Variants in IL1RAPL1 observed in about 807,000 individuals in gnomAD.
IL1RAPL1 encodes interleukin 1 receptor accessory protein like 1.
IL1RAPL1 carries 3 observed loss-of-function variants against 48.4 expected under a neutral mutation model. That is an observed-to-expected ratio of 0.06 (90% CI 0.03 to 0.16). IL1RAPL1 has a LOEUF of 0.16. Among genes scored for constraint, IL1RAPL1 ranks in the 10% least tolerant of loss-of-function variants. The pLI, the probability that IL1RAPL1 is intolerant of heterozygous loss-of-function variation, is 1.00. For synonymous variants in IL1RAPL1, 185 were observed against 187.7 expected (o/e 0.99, Z 0.12); for missense variants, 349 against 530.6 (o/e 0.66, Z 3.36).
chrX:29,281,220 G>C (rs1343674731), intron 2 of IL1RAPL1, among the ~76,000 whole-genome samples: 1 of 111,148 alleles, frequency 9.0e-6, no homozygotes, highest in East Asian at 2.8e-4. Flanking sequence ...TGTTATTACT[G>C]TCAGAGGTCC....
At chrX:29,489,997 A>G (rs1277124610) in intron 5 of IL1RAPL1, among the ~76,000 whole-genome samples, 1 of 111,195 alleles carries the variant, frequency 9.0e-6, no homozygotes, top group Non-Finnish European at 1.9e-5. Context: ...TTAATTTTCT[A>G]CATAGGACTT....
chrX:28,941,477 A>G (rs1397677422), intron 2 of IL1RAPL1, among the ~76,000 whole-genome samples: 3 of 111,112 alleles, frequency 2.7e-5, no homozygotes, highest in Admixed American at 9.6e-5. Context: ...CTCCATCTCA[A>G]TTGACCTCCA....
In IL1RAPL1 at chrX:29,668,517, T is replaced by TTAATTCTAGTTA. The variant is rs1239080464; in HGVS notation, c.778+14_778+25dup. The TTAATTCTAGTTA allele has an allele frequency of 9.3e-7, 1 of 1,071,016 alleles. No homozygotes were observed. The highest frequency in any genetic ancestry group is 1.3e-6 in the Non-Finnish European group (1 of 768,828). 88.3% of individuals were successfully genotyped at this position (1,071,016 alleles called of 1,213,427 possible). On this transcript the variant is annotated intron_variant, in intron 6 of 10. Transcript: ENST00000378993. ...GAGACCCAGCTGGGTGAGTAATTCC[T>TTAATTCTAGTTA]TAATTCTAGTTAATATGCTGCTCTC...
At chrX:29,321,964 TTC>T (rs770053889) in intron 3 of IL1RAPL1, among the ~76,000 whole-genome samples, 31 of 111,047 alleles carry the variant, frequency 2.8e-4, no homozygotes, top group Non-Finnish European at 5.1e-4. Context: ...CTGAAGTATA[TTC>T]TCTGTTATGA....
intron 2 of IL1RAPL1, among the ~76,000 whole-genome samples, chrX:28,973,841 A>T (rs952462399): frequency 8.9e-5 from 10 of 111,879 alleles, no homozygotes; most frequent in Middle Eastern, 4.6e-3. Context: ...TTTAAAACCT[A>T]TTTTGTGTAG....
chrX:29,024,355 A>T (rs765540090), intron 2 of IL1RAPL1, among the ~76,000 whole-genome samples: 19 of 111,868 alleles, frequency 1.7e-4, no homozygotes, highest in Non-Finnish European at 3.4e-4. Flanking sequence ...GAGGACCAAC[A>T]GGTAATTCTT....
chrX:29,489,728 C>T (rs66832961), intron 5 of IL1RAPL1, among the ~76,000 whole-genome samples: 8,935 of 111,215 alleles, frequency 0.08, 558 homozygotes, highest in African/African-American at 0.21. Flanking sequence ...ATTGTGATAT[C>T]TGCCACCAAC....
intron 3 of IL1RAPL1, among the ~76,000 whole-genome samples, chrX:29,345,055 T>G (rs756806497): frequency 1.8e-5 from 2 of 113,033 alleles, no homozygotes; most frequent in African/African-American, 6.4e-5. Flanking sequence ...ACACAAAAGT[T>G]ACATTTAATC....
At chrX:29,468,892 G>T (rs1482955995) in intron 5 of IL1RAPL1, among the ~76,000 whole-genome samples, 3 of 111,611 alleles carry the variant, frequency 2.7e-5, no homozygotes, top group Non-Finnish European at 5.6e-5. Flanking sequence ...TCTCAGAAGG[G>T]TTATACAAAA....
At chrX:28,799,104 C>T (rs1936645674) in intron 2 of IL1RAPL1, among the ~76,000 whole-genome samples, 3 of 111,098 alleles carry the variant, frequency 2.7e-5, no homozygotes, top group Admixed American at 1.9e-4. Context: ...AAGTTAGACT[C>T]AATTGAAATA....
intron 5 of IL1RAPL1, among the ~76,000 whole-genome samples, chrX:29,476,769 A>AAAACAAAC (rs1330568590): frequency 9.1e-6 from 1 of 110,082 alleles, no homozygotes; most frequent in Non-Finnish European, 1.9e-5. Flanking sequence ...AATACTCGAA[A>AAAACAAAC]AAACAAACCA....
At chrX:29,801,549 T>C (rs890836069) in intron 6 of IL1RAPL1, among the ~76,000 whole-genome samples, 10 of 112,283 alleles carry the variant, frequency 8.9e-5, no homozygotes, top group African/African-American at 3.2e-4. Context: ...TGTCTCTAAG[T>C]GTGATCTTCA....
At chrX:29,036,942 C>T (rs1473824837) in intron 2 of IL1RAPL1, among the ~76,000 whole-genome samples, 2 of 111,592 alleles carry the variant, frequency 1.8e-5, no homozygotes, top group African/African-American at 6.5e-5. Flanking sequence ...TTGTATTACT[C>T]GAAACATAAT....
At chrX:29,802,787 G>GTA (rs1278232304) in intron 6 of IL1RAPL1, among the ~76,000 whole-genome samples, 103 of 25,547 alleles carry the variant, frequency 4.0e-3, no homozygotes, top group South Asian at 1.0e-2. Flanking sequence ...ATATATGTGT[G>GTA]TGTGTATATA....
At chrX:29,939,945 C>T (rs1220270893) in intron 8 of IL1RAPL1, among the ~76,000 whole-genome samples, 2 of 107,141 alleles carry the variant, frequency 1.9e-5, no homozygotes, top group Admixed American at 2.0e-4. Context: ...TCACTGCAAC[C>T]TCCACCTCCT....
intron 5 of IL1RAPL1, among the ~76,000 whole-genome samples, chrX:29,447,430 G>A (rs1478169234): frequency 9.0e-6 from 1 of 110,505 alleles, no homozygotes; most frequent in African/African-American, 3.3e-5. Flanking sequence ...TATTCATGAA[G>A]TTTACAATTG....
intron 1 of IL1RAPL1, among the ~76,000 whole-genome samples, chrX:28,671,404 T>C (rs1934945958): frequency 8.9e-6 from 1 of 112,051 alleles, no homozygotes; most frequent in Non-Finnish European, 1.9e-5. Context: ...GTGTTACTTA[T>C]CAGCTATGAT....
At chrX:29,320,995 G>A (rs1006302651) in intron 3 of IL1RAPL1, among the ~76,000 whole-genome samples, 1 of 110,763 alleles carries the variant, frequency 9.0e-6, no homozygotes, top group African/African-American at 3.3e-5. Context: ...ATGTTGTTAT[G>A]CCTAAACTAC....
chrX:28,949,503 A>T (rs1034627353), intron 2 of IL1RAPL1, among the ~76,000 whole-genome samples: 1 of 111,797 alleles, frequency 8.9e-6, no homozygotes, highest in Non-Finnish European at 1.9e-5. Context: ...AACAGAGTTG[A>T]CAAGAGGCCT....
Sources: gnomAD v4.1 joint callset for allele counts (sites outside exome capture counted in the v4.1 genomes callset) on GRCh38, gnomAD v4.1.1 for gene constraint, MANE v1.5 for transcripts, NCBI Gene and HGNC (gene_info 2026-07-23, HGNC 2026-07-21) for gene names.